Variants in KCNMA1 observed in about 807,000 individuals in gnomAD.
KCNMA1 encodes potassium calcium-activated channel subfamily M alpha 1, also known as Calcium-activated potassium channel subunit alpha-1.
Under a neutral mutation model 140.0 loss-of-function variants are expected in KCNMA1, and 29 were observed. The observed-to-expected ratio is 0.21, with a 90% confidence interval of 0.15 to 0.28. The LOEUF is 0.28. Among genes scored for constraint, KCNMA1 ranks in the 10% least tolerant of loss-of-function variants. KCNMA1 has a pLI of 1.00. For synonymous variants in KCNMA1, 612 were observed against 611.9 expected, an observed-to-expected ratio of 1.00 and a Z score of 0.00; for missense variants, 880 against 1,602.2, an observed-to-expected ratio of 0.55 and a Z score of 7.70.
chr10:76,970,621 C>T (rs1283402748), intron 19 of KCNMA1: 2 of 172,428 alleles, frequency 1.2e-5, no homozygotes, highest in South Asian at 2.7e-4. Flanking sequence ...CAGATCGGGG[C>T]ACATTGGTGC....
At chr10:77,487,931 G>A (rs1603628793) in intron 1 of KCNMA1, among the ~76,000 whole-genome samples, 1 of 152,098 alleles carries the variant, frequency 6.6e-6, no homozygotes, top group African/African-American at 2.4e-5. Flanking sequence ...GGCCATCCAG[G>A]TGATGCTAAT....
At chr10:76,894,628 A>G (rs932509280) in intron 25 of KCNMA1, among the ~76,000 whole-genome samples, 3 of 152,210 alleles carry the variant, frequency 2.0e-5, no homozygotes, top group Non-Finnish European at 4.4e-5. Context: ...TTATAACTCA[A>G]CCAAAAAAGA....
intron 3 of KCNMA1, among the ~76,000 whole-genome samples, chr10:77,200,642 GA>G (rs34553224): frequency 0.019 from 2,805 of 145,868 alleles, 46 homozygotes; most frequent in South Asian, 0.047. Flanking sequence ...TAATCTTCTG[GA>G]AAAAAAAAAA....
chr10:77,157,593 A>C (rs184870479), intron 5 of KCNMA1, among the ~76,000 whole-genome samples: 1 of 152,288 alleles, frequency 6.6e-6, no homozygotes, highest in Admixed American at 6.5e-5. Flanking sequence ...GACTTGCTTT[A>C]CTTGATCATA....
chr10:77,588,778 A>C (rs2154564336), intron 1 of KCNMA1, among the ~76,000 whole-genome samples: 1 of 152,366 alleles, frequency 6.6e-6, no homozygotes, highest in East Asian at 1.9e-4. Context: ...CAGAACAGCC[A>C]TGTGGCTGGC....
rs181464580 is a variant in KCNMA1 at position 77,302,153 on chromosome 10, C to T, written c.541-50897G>A. ...GGTCACAAAGATAGTAAACAGCAGA[C>T]CTAGGACTTAGCCCTGGTCCCTCTG... On this transcript the variant is annotated intron_variant, in intron 2 of 27. Coordinates refer to ENST00000286628, the MANE Select transcript of KCNMA1 (RefSeq NM_001161352.2). Among the ~76,000 whole-genome samples, 41 of 152,212 alleles carry T rather than the reference C, an allele frequency of 2.7e-4. No homozygotes were observed. In the East Asian group the frequency reaches 6.8e-3, roughly 25 times the overall value.
intron 5 of KCNMA1, among the ~76,000 whole-genome samples, chr10:77,131,503 A>G (rs2097856532): frequency 1.3e-5 from 2 of 152,184 alleles, no homozygotes; most frequent in South Asian, 4.1e-4. Context: ...ACCCAGTTAT[A>G]TGAAGTTCAA....
downstream of KCNMA1, among the ~76,000 whole-genome samples, chr10:76,880,919 A>G (rs1054785377): frequency 3.9e-5 from 6 of 152,230 alleles, no homozygotes; most frequent in Admixed American, 2.0e-4. Context: ...GCTGCCAGAG[A>G]AAAATAGCCT....
intron 3 of KCNMA1, among the ~76,000 whole-genome samples, chr10:77,195,010 T>C (rs1282016504): frequency 2.6e-5 from 4 of 152,158 alleles, no homozygotes; most frequent in Non-Finnish European, 5.9e-5. Context: ...ATGGCTTATA[T>C]CTATTTCTAA....
intron 3 of KCNMA1, among the ~76,000 whole-genome samples, chr10:77,248,538 T>C (rs1047967380): frequency 1.3e-5 from 2 of 152,168 alleles, no homozygotes; most frequent in African/African-American, 2.4e-5. Flanking sequence ...TCCAGGGTGA[T>C]GATTTAGTAT....
chr10:77,302,939 G>C (rs659111), intron 2 of KCNMA1, among the ~76,000 whole-genome samples: 72,058 of 151,782 alleles, frequency 0.47, 18,502 homozygotes, highest in Non-Finnish European at 0.58. Context: ...TGGTTTGCAG[G>C]GGGGGGTTTC....
At chr10:77,039,461 G>A in intron 15 of KCNMA1, 67 bp downstream of exon 15, 1 of 920,018 alleles carries the variant, frequency 1.1e-6, no homozygotes, top group East Asian at 2.4e-5. Context: ...GAGGTGGGAG[G>A]CTTCCTTGCA....
chr10:77,470,336 GA>G (rs1459588822), intron 1 of KCNMA1, among the ~76,000 whole-genome samples: 4 of 152,150 alleles, frequency 2.6e-5, no homozygotes, highest in African/African-American at 9.7e-5. Context: ...GTGAGGCCCG[GA>G]AACGTGTCAC....
At chr10:77,295,001 T>C (rs1356108480) in intron 2 of KCNMA1, among the ~76,000 whole-genome samples, 1 of 152,146 alleles carries the variant, frequency 6.6e-6, no homozygotes, top group Non-Finnish European at 1.5e-5. Context: ...TAAAAATATG[T>C]TGTAGCTGTT....
rs535900413 is a variant in KCNMA1 at position 76,931,832 on chromosome 10, G to T, written c.2902+12941C>A. Among the ~76,000 whole-genome samples the T allele has an allele frequency of 2.6e-5, 4 of 152,242 alleles. No individual in the cohort carries two copies. The South Asian group carries it at 6.2e-4, about 24-fold the overall frequency. On this transcript the variant is annotated intron_variant, in intron 23 of 27. Coordinates refer to ENST00000286628, the MANE Select transcript of KCNMA1 (RefSeq NM_001161352.2). Reference sequence around the variant, plus strand: ...TTTGTTAGTCTACCTTACCTGGTCTGCTCACCTTCCAAAGGTGTGTTGGTT... The same window carrying T: ...TTTGTTAGTCTACCTTACCTGGTCTTCTCACCTTCCAAAGGTGTGTTGGTT...
intron 2 of KCNMA1, among the ~76,000 whole-genome samples, chr10:77,270,625 G>A (rs1036498931): frequency 1.1e-4 from 16 of 151,122 alleles, no homozygotes; most frequent in Admixed American, 3.3e-4. Flanking sequence ...GGGTTCCAGC[G>A]GTTCTCATGC....
At chr10:77,504,678 C>T (rs1259090587) in intron 1 of KCNMA1, among the ~76,000 whole-genome samples, 1 of 152,114 alleles carries the variant, frequency 6.6e-6, no homozygotes, top group Non-Finnish European at 1.5e-5. Flanking sequence ...CACTATGATG[C>T]AATGAACTCC....
In KCNMA1 at chr10:77,496,143, C is replaced by G. The variant is rs2041837193; in HGVS notation, c.379-92120G>C. 1.3e-5 allele frequency among the ~76,000 whole-genome samples: 2 copies of G among 152,186 alleles called. 1 individual carries two copies. Among genetic ancestry groups the G allele is most frequent in the South Asian group, 4.1e-4 (2 of 4,830 alleles). The stretch of plus-strand genomic sequence containing the variant: ...ATGCAGCTGTGCCCACCTGACCATA[C>G]AGCCTGGCCCTCCCTTAGCAGCACC... On this transcript the variant is annotated intron_variant, in intron 1 of 27. Coordinates refer to ENST00000286628, the MANE Select transcript of KCNMA1 (RefSeq NM_001161352.2).
At chr10:77,221,365 T>C (rs1050321553) in intron 3 of KCNMA1, among the ~76,000 whole-genome samples, 4 of 152,226 alleles carry the variant, frequency 2.6e-5, no homozygotes, top group South Asian at 2.1e-4. Context: ...AAATAATCCA[T>C]AGATGCGCTT....
Sources: gnomAD v4.1 joint callset for allele counts (sites outside exome capture counted in the v4.1 genomes callset) on GRCh38, gnomAD v4.1.1 for gene constraint, MANE v1.5 for transcripts, NCBI Gene and HGNC (gene_info 2026-07-23, HGNC 2026-07-21) for gene names.